Variants in GABRB3 observed in about 807,000 individuals in gnomAD.
The protein encoded by GABRB3 is gamma-aminobutyric acid type A receptor subunit beta3, also known as gamma-aminobutyric acid receptor subunit beta-3.
In GABRB3, 14 loss-of-function variants were observed where a neutral mutation model predicts 52.1. That is an observed-to-expected ratio of 0.27 (90% CI 0.18 to 0.42). The LOEUF (loss-of-function observed/expected upper bound fraction) is 0.42, where lower values mean the gene tolerates loss of function less well. GABRB3 is among the 10% of genes least tolerant of loss of function. GABRB3 has a pLI of 1.00. For missense variants in GABRB3, 307 were observed against 609.1 expected (o/e 0.50, Z 5.22); for synonymous variants, 260 against 232.3 (o/e 1.12, Z -1.08).
intron 3 of GABRB3, among the ~76,000 whole-genome samples, chr15:26,697,712 T>G (rs1888787430): frequency 6.6e-6 from 1 of 152,108 alleles, no homozygotes; most frequent in Non-Finnish European, 1.5e-5. Flanking sequence ...GACTGCAATA[T>G]CTCTTTATAT....
At chr15:26,681,308 TGC>T (rs1888232246) in intron 3 of GABRB3, among the ~76,000 whole-genome samples, 1 of 152,168 alleles carries the variant, frequency 6.6e-6, no homozygotes, top group African/African-American at 2.4e-5. Flanking sequence ...AGTTTCTAAA[TGC>T]CTATTACTTT....
At chr15:26,663,156 G>A (rs1009131908) in intron 3 of GABRB3, among the ~76,000 whole-genome samples, 4 of 152,208 alleles carry the variant, frequency 2.6e-5, no homozygotes, top group African/African-American at 7.2e-5. Context: ...AATCAGAACC[G>A]TTCATTGTGA....
rs568969802 is a variant in GABRB3 at position 26,591,195 on chromosome 15, T to C, written c.462-7781A>G. On this transcript the variant is annotated intron_variant, in intron 4 of 8. Transcript: ENST00000311550. ...CAATGAGCACTTTGGGGTTATTGTATGCATTGAGGCTTTCTAGCTGATTGT... is the reference window on the plus strand; with the variant it reads ...CAATGAGCACTTTGGGGTTATTGTACGCATTGAGGCTTTCTAGCTGATTGT... Among the ~76,000 whole-genome samples the C allele has an allele frequency of 2.0e-5, 3 of 152,308 alleles. No homozygotes were observed. In the South Asian group the frequency reaches 6.2e-4, roughly 32 times the overall value.
chr15:26,559,760 G>A (rs1226810954), intron 8 of GABRB3, among the ~76,000 whole-genome samples: 1 of 152,170 alleles, frequency 6.6e-6, no homozygotes, highest in Non-Finnish European at 1.5e-5. Flanking sequence ...GGCTGGAGGA[G>A]GGTGTGCAAG....
At chr15:26,560,323 G>C (rs1889931819) in intron 8 of GABRB3, among the ~76,000 whole-genome samples, 1 of 152,202 alleles carries the variant, frequency 6.6e-6, no homozygotes, top group Non-Finnish European at 1.5e-5. Flanking sequence ...ACTCACTTCT[G>C]TAAGTGGAGA....
chr15:26,713,520 C>T (rs1056970562), intron 3 of GABRB3, among the ~76,000 whole-genome samples: 1 of 151,956 alleles, frequency 6.6e-6, no homozygotes, highest in Non-Finnish European at 1.5e-5. Context: ...GAAGAGGCTA[C>T]CGGGATGATC....
At position 26,628,950 on chromosome 15, in the gene GABRB3, C is replaced by A. The variant is rs748727393; in HGVS notation, c.241-7416G>T. ...AGAGCGCCTCCACTCCTTGTGACTG[C>A]CGAGAGCCCGCGTCCCCGACTTTTA... On this transcript the variant is annotated intron_variant, in intron 3 of 8. Transcript: ENST00000311550. 2.7e-4 allele frequency: 415 copies of A among 1,535,394 alleles called. 1 individual carries two copies. The highest frequency in any genetic ancestry group is 2.6e-4 in the Non-Finnish European group (297 of 1,146,250).
intron 4 of GABRB3, among the ~76,000 whole-genome samples, chr15:26,600,997 A>G (rs2140500151): frequency 6.6e-6 from 1 of 152,322 alleles, no homozygotes; most frequent in African/African-American, 2.4e-5. Context: ...GGGGGGAGTA[A>G]AAGTGTACAG....
chr15:26,625,863 G>A (rs1227621974), intron 3 of GABRB3, among the ~76,000 whole-genome samples: 1 of 152,092 alleles, frequency 6.6e-6, no homozygotes, highest in Admixed American at 6.5e-5. Context: ...GAAGCAGCCC[G>A]CGTCCTCCAC....
At chr15:26,620,186 T>C (rs1441044760) in intron 4 of GABRB3, among the ~76,000 whole-genome samples, 3 of 152,296 alleles carry the variant, frequency 2.0e-5, no homozygotes, top group South Asian at 4.1e-4. Flanking sequence ...AACTCCAGGA[T>C]AGACTCTTTT....
chr15:26,597,793 A>C (rs1293348918), intron 4 of GABRB3, among the ~76,000 whole-genome samples: 1 of 152,248 alleles, frequency 6.6e-6, no homozygotes, highest in Non-Finnish European at 1.5e-5. Context: ...GCCACCAGGA[A>C]ACAGTATCAG....
At chr15:26,578,152 C>T (rs964802796) in intron 6 of GABRB3, among the ~76,000 whole-genome samples, 1 of 152,166 alleles carries the variant, frequency 6.6e-6, no homozygotes, top group Non-Finnish European at 1.5e-5. Context: ...TTACTAGTCA[C>T]ATTCTTATTA....
chr15:26,604,375 T>G (rs1891703075), intron 4 of GABRB3, among the ~76,000 whole-genome samples: 1 of 152,106 alleles, frequency 6.6e-6, no homozygotes, highest in South Asian at 2.1e-4. Flanking sequence ...TAATCTCTAT[T>G]GAAATACCAA....
chr15:26,675,872 C>T (rs1204574294), intron 3 of GABRB3, among the ~76,000 whole-genome samples: 1 of 152,080 alleles, frequency 6.6e-6, no homozygotes, highest in Non-Finnish European at 1.5e-5. Context: ...AGTCAGATAT[C>T]CAGGGTTGGG....
chr15:26,657,657 A>G (rs767076887), intron 3 of GABRB3, among the ~76,000 whole-genome samples: 18 of 152,228 alleles, frequency 1.2e-4, no homozygotes, highest in Non-Finnish European at 2.5e-4. Flanking sequence ...TATCATCTCC[A>G]GTTCATAGGT....
intron 3 of GABRB3, among the ~76,000 whole-genome samples, chr15:26,664,019 T>A (rs1187457792): frequency 1.3e-5 from 2 of 152,196 alleles, no homozygotes; most frequent in Non-Finnish European, 2.9e-5. Flanking sequence ...TCTCCCATCT[T>A]TTAAAATAGA....
intron 4 of GABRB3, among the ~76,000 whole-genome samples, chr15:26,608,245 CTAAA>C (rs1052352685): frequency 2.6e-5 from 4 of 151,970 alleles, no homozygotes; most frequent in South Asian, 2.1e-4. Context: ...GTTGGGAAAA[CTAAA>C]TATCCATATT....
At chr15:26,761,989 C>T (rs113057653) in intron 3 of GABRB3, among the ~76,000 whole-genome samples, 4 of 152,076 alleles carry the variant, frequency 2.6e-5, no homozygotes, top group East Asian at 1.9e-4. Context: ...AGTGCAATCA[C>T]GCCCGGCTAA....
At chr15:26,730,918 T>C (rs1290838951) in intron 3 of GABRB3, among the ~76,000 whole-genome samples, 2 of 152,226 alleles carry the variant, frequency 1.3e-5, no homozygotes, top group East Asian at 1.9e-4. Flanking sequence ...GCACTTATAA[T>C]AGAAGCTAAC....
Sources: gnomAD v4.1 joint callset for allele counts (sites outside exome capture counted in the v4.1 genomes callset) on GRCh38, gnomAD v4.1.1 for gene constraint, MANE v1.5 for transcripts, NCBI Gene and HGNC (gene_info 2026-07-23, HGNC 2026-07-21) for gene names.